The following PARP15 variants were observed in gnomAD, a reference collection of about 807,000 sequenced individuals.
PARP15 encodes the protein protein mono-ADP-ribosyltransferase PARP15.
A neutral mutation model predicts 62.1 loss-of-function variants in PARP15; 50 were observed. That is an observed-to-expected ratio of 0.81 (90% CI 0.64 to 1.02). PARP15 has a LOEUF of 1.02. Among genes scored for constraint, PARP15 ranks in the 50% least tolerant of loss-of-function variants. The pLI is 0.00. For missense variants in PARP15, 820 were observed against 826.5 expected, an observed-to-expected ratio of 0.99 and a Z score of 0.10; for synonymous variants, 309 against 293.1, an observed-to-expected ratio of 1.05 and a Z score of -0.55.
intron 8 of PARP15, among the ~76,000 whole-genome samples, chr3:122,622,971 A>G (rs1039348116): frequency 6.6e-6 from 1 of 152,150 alleles, no homozygotes; most frequent in African/African-American, 2.4e-5. Flanking sequence ...TCCTCTTCCC[A>G]GATTAAAACA....
chr3:122,583,086 C>A (rs1349415288), intron 1 of PARP15, among the ~76,000 whole-genome samples: 1 of 112,246 alleles, frequency 8.9e-6, no homozygotes, highest in Non-Finnish European at 1.9e-5. Flanking sequence ...GTTTTAATAT[C>A]TTTGTTTACT....
chr3:122,624,788 C>T (rs1326423783), intron 8 of PARP15, among the ~76,000 whole-genome samples: 2 of 152,122 alleles, frequency 1.3e-5, no homozygotes, highest in African/African-American at 4.8e-5. Context: ...AAAAGATACA[C>T]TTTGTTGTGG....
chr3:122,636,300 G>A lies in PARP15; in HGVS notation c.*200G>A. ...CTCAGCAAATTGATGGGTGGAAGCT[G>A]AGAAATGTATGGTAAATGTCACAGA... On this transcript the variant is annotated 3_prime_UTR_variant, in exon 12 of 12. Transcript: ENST00000464300. The A allele has an allele frequency of 1.8e-6, 1 of 565,582 alleles. No individual in the cohort carries two copies. Among genetic ancestry groups the A allele is most frequent in the Non-Finnish European group, 3.1e-6 (1 of 320,394 alleles). The allele number at this position is 565,582 out of a possible 1,614,324, so 35.0% of individuals were successfully genotyped here.
chr3:122,616,629 C>T (rs928035051), intron 5 of PARP15, among the ~76,000 whole-genome samples: 3 of 152,082 alleles, frequency 2.0e-5, no homozygotes, highest in Non-Finnish European at 4.4e-5. Flanking sequence ...TATATTGCTA[C>T]ACCTGTGGTA....
At chr3:122,585,929 A>C (rs1046871088) in intron 1 of PARP15, among the ~76,000 whole-genome samples, 1 of 152,198 alleles carries the variant, frequency 6.6e-6, no homozygotes, top group Non-Finnish European at 1.5e-5. Context: ...TTAGTATTTT[A>C]TGCGAATCCC....
At chr3:122,579,019 T>C (rs370402134) in intron 1 of PARP15, among the ~76,000 whole-genome samples, 2 of 152,326 alleles carry the variant, frequency 1.3e-5, no homozygotes, top group Admixed American at 6.5e-5. Context: ...TTAAAAACAA[T>C]TACAATACAT....
rs576145080 is a variant in PARP15 at position 122,593,387 on chromosome 3, C to G, written c.187-12549C>G. On this transcript the variant is annotated intron_variant, in intron 1 of 11. Coordinates refer to ENST00000464300, the MANE Select transcript of PARP15 (RefSeq NM_001113523.3). Reference sequence around the variant, plus strand: ...GAATTCCTGATCTCAAGTGATCCACCCACCTCAGCCTCCCAAAGTGTTGGG... The same window carrying G: ...GAATTCCTGATCTCAAGTGATCCACGCACCTCAGCCTCCCAAAGTGTTGGG... 6.6e-5 allele frequency among the ~76,000 whole-genome samples: 10 copies of G among 152,238 alleles called. No individual in the cohort carries two copies. The South Asian group carries it at 1.9e-3, about 28-fold the overall frequency.
rs903775067 is a variant in PARP15, at chr3:122,577,694, C to A, written c.27C>A (p.Ala9=). Residue 9 remains alanine, a synonymous_variant, in exon 1 of 12, where the codon GCC becomes GCA. Transcript: ENST00000464300. MAAPGPLP[A]AALSPGAPTP... ...TGGCTGCGCCAGGCCCCCTTCCTGC[C>A]GCTGCTCTGAGTCCAGGGGCTCCGA... 7 of 1,551,522 alleles carry A rather than the reference C, an allele frequency of 4.5e-6. No individual in the cohort carries two copies. The highest frequency in any genetic ancestry group is 4.9e-5 in the East Asian group (2 of 40,902).
At chr3:122,592,539 G>A (rs929862255) in intron 1 of PARP15, among the ~76,000 whole-genome samples, 1 of 151,532 alleles carries the variant, frequency 6.6e-6, no homozygotes, top group South Asian at 2.1e-4. Flanking sequence ...AACCACCACG[G>A]CAAACATTTA....
At chr3:122,626,000 A>G (rs913830900) in intron 8 of PARP15, among the ~76,000 whole-genome samples, 144 of 152,308 alleles carry the variant, frequency 9.5e-4, no homozygotes, top group African/African-American at 3.3e-3. Flanking sequence ...GCATCTCAGT[A>G]GGAGAGTGTT....
At chr3:122,585,581 G>T (rs552757036) in intron 1 of PARP15, among the ~76,000 whole-genome samples, 63 of 152,298 alleles carry the variant, frequency 4.1e-4, no homozygotes, top group African/African-American at 1.5e-3. Flanking sequence ...GCCCGTGGTT[G>T]CACACTTGGG....
chr3:122,615,356 C>G, intron 4 of PARP15: 1 of 1,293,406 alleles, frequency 7.7e-7, no homozygotes, highest in Non-Finnish European at 1.0e-6. Flanking sequence ...CAGAATGTAC[C>G]TAACAGCCAA....
chr3:122,592,773 A>C (rs1311802119), intron 1 of PARP15, among the ~76,000 whole-genome samples: 1 of 152,182 alleles, frequency 6.6e-6, no homozygotes, highest in Non-Finnish European at 1.5e-5. Flanking sequence ...GAGGAAACTA[A>C]GGCATAGAGA....
rs1937486801 is a variant in PARP15, at chr3:122,638,820, C to T, written c.*2720C>T. ...TTTAGTTTAATTAGATCCCATATTT[C>T]TACCATTTTTCATTAAACATTACAA... On this transcript the variant is annotated 3_prime_UTR_variant, in exon 12 of 12. Coordinates refer to ENST00000464300, the MANE Select transcript of PARP15 (RefSeq NM_001113523.3). 1 of 152,102 alleles carries T rather than the reference C, an allele frequency of 6.6e-6. No individual in the cohort carries two copies. Among genetic ancestry groups the T allele is most frequent in the South Asian group, 2.1e-4 (1 of 4,830 alleles). The allele number at this position is 152,102 out of a possible 1,614,324, so 9.4% of individuals were successfully genotyped here.
intron 10 of PARP15, among the ~76,000 whole-genome samples, chr3:122,632,907 A>T (rs975021974): frequency 3.9e-5 from 6 of 152,204 alleles, no homozygotes; most frequent in Non-Finnish European, 7.3e-5. Flanking sequence ...GAGGTTGCTG[A>T]TGGGGTAGAA....
At chr3:122,594,715 T>C in intron 1 of PARP15, 1 of 953,226 alleles carries the variant, frequency 1.0e-6, no homozygotes, top group Non-Finnish European at 1.2e-6. Context: ...GAAATAAAAT[T>C]ACAATACCAA....
intron 1 of PARP15, among the ~76,000 whole-genome samples, chr3:122,579,296 T>C (rs539288275): frequency 1.5e-4 from 23 of 152,326 alleles, no homozygotes; most frequent in African/African-American, 5.3e-4. Context: ...ATTCGCTATG[T>C]TGTCTATTTA....
chr3:122,609,478 A>T (rs1576513001), intron 2 of PARP15, among the ~76,000 whole-genome samples: 1 of 152,262 alleles, frequency 6.6e-6, no homozygotes, highest in African/African-American at 2.4e-5. Flanking sequence ...TGGGCAGGTC[A>T]CTTGAGATCA....
chr3:122,580,720 G>A (rs79732604), intron 1 of PARP15, among the ~76,000 whole-genome samples: 38,920 of 151,900 alleles, frequency 0.26, 5,149 homozygotes, highest in Admixed American at 0.31. Context: ...TATTTTATAC[G>A]TATATATAAA....
Sources: gnomAD v4.1 joint callset for allele counts (sites outside exome capture counted in the v4.1 genomes callset) on GRCh38, gnomAD v4.1.1 for gene constraint, MANE v1.5 for transcripts, NCBI Gene and HGNC (gene_info 2026-07-23, HGNC 2026-07-21) for gene names.